The following KIR3DL2 variants were observed in gnomAD, a reference collection of about 807,000 sequenced individuals.
KIR3DL2 encodes killer cell immunoglobulin like receptor, three Ig domains and long cytoplasmic tail 2.
In KIR3DL2, 42 loss-of-function variants were observed where a neutral mutation model predicts 41.6. The ratio of observed to expected loss-of-function variants is 1.01; its 90% CI spans 0.79 to 1.31. KIR3DL2 has a LOEUF of 1.31. KIR3DL2 is among the 50% of genes most tolerant of loss of function. The pLI is 0.00. For missense variants in KIR3DL2, 728 were observed against 576.8 expected (o/e 1.26, Z -2.68); for synonymous variants, 230 against 221.3 (o/e 1.04, Z -0.35).
chr19:54,852,625 A>C (rs757910961), intron 3 of KIR3DL2, among the ~76,000 whole-genome samples: 7 of 150,386 alleles, frequency 4.7e-5, no homozygotes, highest in Non-Finnish European at 1.0e-4. Context: ...GAGGTGGAGG[A>C]AGAGGGGAGT....
At chr19:54,852,371 C>G (rs2064347206) in intron 3 of KIR3DL2, 89 bp downstream of exon 3, 1 of 1,528,684 alleles carries the variant, frequency 6.5e-7, no homozygotes, top group African/African-American at 1.4e-5. Context: ...TCCCATCACC[C>G]AGGCCCCAAC....
chr19:54,858,969 G>A, intron 5 of KIR3DL2, 110 bp from the exon 6 acceptor site: 2 of 1,079,626 alleles, frequency 1.9e-6, no homozygotes, highest in Non-Finnish European at 2.8e-6. Flanking sequence ...AGACTCCCAG[G>A]GTCCAACATT....
chr19:54,852,280 C>T lies in KIR3DL2; in HGVS notation c.353C>T (p.Thr118Ile). The change falls in exon 3 of 9, where the codon ACA becomes ATA. Residue 118 changes from threonine (T) to isoleucine (I), a missense_variant and splice_region_variant. Thr to Ile is a moderately conservative substitution (Grantham distance 89, BLOSUM62 -1). Transcript: ENST00000326321. Reference sequence around the variant, plus strand: ...AGCAACCCCCTGGTGATCATGGTCACAGGTCAGAGGCTTTCTGTCTGGGCT... The same window carrying T: ...AGCAACCCCCTGGTGATCATGGTCATAGGTCAGAGGCTTTCTGTCTGGGCT... ...APSNPLVIMVTGNHRKPSLLA... is the reference protein window; with the variant it reads ...APSNPLVIMVIGNHRKPSLLA... 1 of 1,606,504 alleles carries T rather than the reference C, an allele frequency of 6.2e-7. No homozygotes were observed. The highest frequency in any genetic ancestry group is 1.1e-5 in the South Asian group (1 of 91,008).
At chr19:54,851,452 A>G (rs2064228447) in intron 2 of KIR3DL2, among the ~76,000 whole-genome samples, 197 bp downstream of exon 2, 4 of 150,816 alleles carry the variant, frequency 2.7e-5, no homozygotes, top group Admixed American at 2.0e-4. Flanking sequence ...GACTGGGGTG[A>G]GACTGGGGTG....
At chr19:54,863,773 T>C (rs1489449577) in intron 6 of KIR3DL2, among the ~76,000 whole-genome samples, 3 of 152,020 alleles carry the variant, frequency 2.0e-5, no homozygotes, top group Non-Finnish European at 4.4e-5. Flanking sequence ...GTCAGATGAG[T>C]AGGTTGCGAA....
rs2145679514 is a variant in KIR3DL2 at position 54,860,332 on chromosome 19, T to C, written c.1000+1203T>C. 1.3e-5 allele frequency among the ~76,000 whole-genome samples: 2 copies of C among 152,188 alleles called. 1 individual carries two copies. The highest frequency in any genetic ancestry group is 4.1e-4 in the South Asian group (2 of 4,822). ...AGGGGACCAATAAATGAATGATCTA[T>C]TGAGAAGCATCTGTGCATGAAATCT... is the stretch of plus-strand genomic sequence containing the variant. On this transcript the variant is annotated intron_variant, in intron 6 of 8. Transcript: ENST00000326321.
Position 54,857,543 on chromosome 19 carries a change from C to A in KIR3DL2, c.950-1536C>A, listed in dbSNP as rs867940363. ...TGCAGATAAAAGCCATTTTACTTTA[C>A]TTTATTTATTTATTTATTTATGTTG... On this transcript the variant is annotated intron_variant, in intron 5 of 8. Coordinates refer to ENST00000326321, the MANE Select transcript of KIR3DL2 (RefSeq NM_006737.4). Among the ~76,000 whole-genome samples the A allele has an allele frequency of 6.4e-3, 415 of 65,318 alleles. 1 individual carries two copies. The highest frequency in any genetic ancestry group is 0.017 in the African/African-American group (325 of 18,796). The allele number at this position is 65,318 out of a possible 152,430, so 42.9% of individuals were successfully genotyped here.
In KIR3DL2 at chr19:54,853,966, C is replaced by T; in HGVS notation, c.575C>T (p.Thr192Ile). 6.2e-7 allele frequency: 1 copy of T among 1,613,378 alleles called. No homozygotes were observed. Among genetic ancestry groups the T allele is most frequent in the Non-Finnish European group, 8.5e-7 (1 of 1,179,860 alleles). ...IGPLMPVLAGTYRCYGSVPHS... is the reference protein window; with the variant it reads ...IGPLMPVLAGIYRCYGSVPHS... ...CCCTTGATGCCTGTCCTTGCAGGAA[C>T]CTACAGATGTTATGGTTCTGTTCCT... The change falls in exon 4 of 9, where the codon ACC becomes ATC. Residue 192 changes from threonine (T) to isoleucine (I), a missense_variant. Coordinates refer to ENST00000326321, the MANE Select transcript of KIR3DL2 (RefSeq NM_006737.4).
chr19:54,850,617 G>A (rs1601709071), intron 1 of KIR3DL2, 108 bp downstream of exon 1: 1 of 1,525,222 alleles, frequency 6.6e-7, no homozygotes, highest in Non-Finnish European at 9.0e-7. Context: ...TGGAGATATG[G>A]GCCTGGGTGT....
Position 54,853,854 on chromosome 19 carries a change from C to A in KIR3DL2, c.463C>A (p.Leu155Met). The stretch of plus-strand genomic sequence containing the variant: ...AGATGTCATGTTTGAGCACTTCTTT[C>A]TGCACAGAGAGGGGATCTCTGAGGA... ...WSDVMFEHFFLHREGISEDPS... is the reference protein window; with the variant it reads ...WSDVMFEHFFMHREGISEDPS... Residue 155 changes from leucine (L) to methionine (M), a missense_variant, in exon 4 of 9, where the codon CTG becomes ATG. By Grantham distance (15) the Leu-to-Met change is conservative (BLOSUM62 2). Transcript: ENST00000326321. The A allele has an allele frequency of 1.2e-6, 2 of 1,613,330 alleles. No homozygotes were observed. Among genetic ancestry groups the A allele is most frequent in the East Asian group, 2.2e-5 (1 of 44,866 alleles).
intron 3 of KIR3DL2, among the ~76,000 whole-genome samples, chr19:54,853,179 G>A (rs2064434634): frequency 6.6e-6 from 1 of 151,636 alleles, no homozygotes; most frequent in South Asian, 2.1e-4. Context: ...GATCAGCAAG[G>A]GTGGGATGCT....
intron 6 of KIR3DL2, among the ~76,000 whole-genome samples, chr19:54,861,530 T>C (rs2065182414): frequency 6.7e-6 from 1 of 150,238 alleles, no homozygotes; most frequent in South Asian, 2.1e-4. Context: ...ATGACTGTAA[T>C]CCCAGCTACT....
chr19:54,863,487 T>C (rs557550079), intron 6 of KIR3DL2, among the ~76,000 whole-genome samples: 1 of 152,206 alleles, frequency 6.6e-6, no homozygotes, highest in Admixed American at 6.5e-5. Flanking sequence ...GTAAAAGTGT[T>C]CCTATTTCTC....
chr19:54,853,283 A>T (rs2064444943), intron 3 of KIR3DL2, among the ~76,000 whole-genome samples: 2 of 151,746 alleles, frequency 1.3e-5, no homozygotes, highest in South Asian at 4.1e-4. Context: ...GCCATGGAGA[A>T]GGCACAGACA....
At chr19:54,865,944 G>A (rs769878891) in intron 7 of KIR3DL2, 35 bp downstream of exon 7, 7 of 1,572,556 alleles carry the variant, frequency 4.5e-6, no homozygotes, top group African/African-American at 1.4e-5. Flanking sequence ...GAGAGCTCAG[G>A]GCCATGTGGG....
Position 54,855,600 on chromosome 19 carries a change from C to A in KIR3DL2, c.656-19C>A, listed in dbSNP as rs200756113. The A allele has an allele frequency of 1.2e-4, 192 of 1,607,546 alleles. 1 individual carries two copies. In the South Asian group the frequency reaches 2.0e-3, roughly 17 times the overall value. ...ACAAGGAAGAACCTCCCTGAGGAAA[C>A]TGCCTCTTCTCCTTCCAGGTCTATA... On this transcript the variant is annotated intron_variant, in intron 4 of 8. Transcript: ENST00000326321.
intron 5 of KIR3DL2, 98 bp downstream of exon 5, chr19:54,856,010 G>C (rs982427409): frequency 8.3e-6 from 12 of 1,444,886 alleles, no homozygotes; most frequent in Non-Finnish European, 1.0e-5. Context: ...CAGATGCAGA[G>C]AGAACACGAA....
intron 6 of KIR3DL2, among the ~76,000 whole-genome samples, chr19:54,864,438 T>A (rs1435643423): frequency 1.3e-5 from 2 of 152,128 alleles, no homozygotes; most frequent in African/African-American, 4.8e-5. Flanking sequence ...ATCTATAAAT[T>A]ACCTTGGGCA....
chr19:54,850,526 A>C lies in KIR3DL2; in HGVS notation c.34+17A>C. On this transcript the variant is annotated intron_variant, in intron 1 of 8. Transcript: ENST00000326321. ...CGTGCGTTGGTGAGTCCTGGAAGGG[A>C]ATAGAGGGAGGGAGAGTGGGGATGG... The C allele has an allele frequency of 6.2e-7, 1 of 1,608,866 alleles. No individual in the cohort carries two copies. Among genetic ancestry groups the C allele is most frequent in the Non-Finnish European group, 8.5e-7 (1 of 1,179,676 alleles).
Sources: gnomAD v4.1 joint callset for allele counts (sites outside exome capture counted in the v4.1 genomes callset) on GRCh38, gnomAD v4.1.1 for gene constraint, MANE v1.5 for transcripts, NCBI Gene and HGNC (gene_info 2026-07-23, HGNC 2026-07-21) for gene names.